SGSM2: variants seen among roughly 807,000 people sequenced by gnomAD.
SGSM2 encodes the protein RUN and TBC1 domain containing 1.
SGSM2 carries 89 observed loss-of-function variants against 126.6 expected under a neutral mutation model. The ratio of observed to expected loss-of-function variants is 0.70; its 90% CI spans 0.59 to 0.84. The LOEUF (loss-of-function observed/expected upper bound fraction) is 0.84, where lower values mean the gene tolerates loss of function less well. Ranked by LOEUF, SGSM2 falls within the 40% of genes least tolerant of loss-of-function variation. The probability of loss-of-function intolerance (pLI) is 0.00; values close to 1 mark genes in which losing one functional copy is unlikely to be tolerated. For synonymous variants in SGSM2, 614 were observed against 574.3 expected, an observed-to-expected ratio of 1.07 and a Z score of -0.99; for missense variants, 1,404 against 1,416.6, an observed-to-expected ratio of 0.99 and a Z score of 0.14.
chr17:2,358,195 G>A (rs1041833342), intron 2 of SGSM2, among the ~76,000 whole-genome samples: 9 of 152,236 alleles, frequency 5.9e-5, no homozygotes, highest in African/African-American at 2.2e-4. Context: ...TGGGCCTCCA[G>A]TCAGAACGGG....
In SGSM2 at chr17:2,363,188, G is replaced by T; in HGVS notation, c.672+54G>T. The T allele has an allele frequency of 6.5e-7, 1 of 1,529,514 alleles. No individual in the cohort carries two copies. The highest frequency in any genetic ancestry group is 8.8e-7 in the Non-Finnish European group (1 of 1,141,460). The allele number at this position is 1,529,514 out of a possible 1,614,324, so 94.7% of individuals were successfully genotyped here. A position where few individuals can be genotyped will look rare whatever the true frequency, so the allele number is the denominator to read the frequency against. On this transcript the variant is annotated intron_variant, in intron 6 of 23. Coordinates refer to ENST00000268989, the MANE Select transcript of SGSM2 (RefSeq NM_014853.3). The surrounding 1 kb of genome is among the most constrained non-coding windows in gnomAD (Gnocchi z 4.2). ...TCATCTGGGCTATGCCCATGGGCCT[G>T]TAGGGACGGGAAACCGGCCTCTCTA...
intron 11 of SGSM2, among the ~76,000 whole-genome samples, chr17:2,366,241 A>AC (rs1476337985): frequency 6.6e-6 from 1 of 151,946 alleles, no homozygotes; most frequent in Non-Finnish European, 1.5e-5. Flanking sequence ...CTGGACACAC[A>AC]CCCCTGGGCC....
At chr17:2,360,922 T>A (rs1366491540) in intron 2 of SGSM2, among the ~76,000 whole-genome samples, 1 of 152,228 alleles carries the variant, frequency 6.6e-6, no homozygotes, top group Non-Finnish European at 1.5e-5. Flanking sequence ...AACTGTTAGT[T>A]TGGCCCAATC....
chr17:2,379,052 T>C lies in SGSM2; in HGVS notation c.2916T>C (p.Asp972=), dbSNP rs992163758. The C allele has an allele frequency of 6.2e-7, 1 of 1,614,102 alleles. No homozygotes were observed. The highest frequency in any genetic ancestry group is 8.5e-7 in the Non-Finnish European group (1 of 1,179,970). The change falls in exon 23 of 24, where the codon GAT becomes GAC. Residue 972 remains aspartate, a synonymous_variant. Coordinates refer to ENST00000268989, the MANE Select transcript of SGSM2 (RefSeq NM_014853.3). ...TCTCCGCAGAACTGCTGTATGAGGA[T>C]GTGTTTGCTGTGTGGGAGGTGATCT... The part of the protein sequence containing the change: ...LDFKRELLYE[D]VFAVWEVIWA...
chr17:2,379,246 G>A, intron 23 of SGSM2, 43 bp downstream of exon 23: 1 of 1,607,556 alleles, frequency 6.2e-7, no homozygotes, highest in Admixed American at 1.7e-5. Context: ...GAGCAGAGGT[G>A]TGGAGGCCCC....
intron 1 of SGSM2, among the ~76,000 whole-genome samples, chr17:2,341,477 G>A (rs1177518969): frequency 3.9e-5 from 6 of 152,074 alleles, no homozygotes; most frequent in African/African-American, 1.4e-4. Context: ...CGGCAGGGAG[G>A]GGCCTCCAGG....
intron 11 of SGSM2, among the ~76,000 whole-genome samples, chr17:2,366,197 A>G (rs1015462590): frequency 1.3e-5 from 2 of 152,110 alleles, no homozygotes; most frequent in Non-Finnish European, 2.9e-5. Context: ...GGCGGGTAGA[A>G]AGGCGGCTTG....
chr17:2,377,302 C>T (rs923262611), intron 21 of SGSM2: 2 of 473,198 alleles, frequency 4.2e-6, no homozygotes, highest in East Asian at 3.8e-5. Flanking sequence ...TGGCCAACAT[C>T]GTGAAACCCC....
At chr17:2,338,204 G>A (rs560893531) in intron 1 of SGSM2, among the ~76,000 whole-genome samples, 1 of 152,276 alleles carries the variant, frequency 6.6e-6, no homozygotes, top group East Asian at 1.9e-4. Context: ...CTTGTCCGAC[G>A]TCCGCTGTGC....
intron 10 of SGSM2, 54 bp downstream of exon 10, chr17:2,365,111 G>A (rs1443525542): frequency 2.6e-5 from 41 of 1,598,574 alleles, no homozygotes; most frequent in East Asian, 2.2e-4. Flanking sequence ...TTCTCTGCCC[G>A]CCTCCCTTCC....
intron 12 of SGSM2, among the ~76,000 whole-genome samples, chr17:2,370,982 G>A (rs2065840338): frequency 6.6e-6 from 1 of 152,194 alleles, no homozygotes; most frequent in Non-Finnish European, 1.5e-5. Flanking sequence ...GCAGGATAGA[G>A]CTAGGCACAA....
In SGSM2 at chr17:2,373,453, C is replaced by A. The variant is rs748217992; in HGVS notation, c.2040C>A (p.Gly680=). The A allele has an allele frequency of 5.0e-6, 8 of 1,609,938 alleles. No individual in the cohort carries two copies. The South Asian group carries it at 7.7e-5, about 15-fold the overall frequency. Residue 680 remains glycine, a synonymous_variant, in exon 17 of 24, where the codon GGC becomes GGA. Coordinates refer to ENST00000268989, the MANE Select transcript of SGSM2 (RefSeq NM_014853.3). ...CCACACGCACCAAGTTCTCCTCAGG[C>A]AGCAGCATCGACAGCCACGTGCAGC... ...HPATRTKFSS[G]SSIDSHVQRL...
At chr17:2,353,097 G>A (rs1006323038) in intron 2 of SGSM2, among the ~76,000 whole-genome samples, 14 of 152,186 alleles carry the variant, frequency 9.2e-5, no homozygotes, top group African/African-American at 2.9e-4. Context: ...TATTCTAGCA[G>A]CCGAGCTATA....
chr17:2,367,897 G>C lies in SGSM2; in HGVS notation c.1423+492G>C, dbSNP rs902339674. 2.0e-5 allele frequency among the ~76,000 whole-genome samples: 3 copies of C among 152,200 alleles called. No individual in the cohort carries two copies. The highest frequency in any genetic ancestry group is 7.2e-5 in the African/African-American group (3 of 41,456). On this transcript the variant is annotated intron_variant, in intron 12 of 23. Coordinates refer to ENST00000268989, the MANE Select transcript of SGSM2 (RefSeq NM_014853.3). This position sits in a 1 kb window ranked among gnomAD's most constrained non-coding sequence, Gnocchi z 4.0. ...GGCGAGGGGTTGAGGGCTGCCATGC[G>C]AAGGGCCCCAGGGCTCAGTCTTCCC... is the stretch of plus-strand genomic sequence containing the variant.
chr17:2,349,976 A>G (rs959208939), intron 2 of SGSM2, among the ~76,000 whole-genome samples: 2 of 152,092 alleles, frequency 1.3e-5, no homozygotes, highest in Middle Eastern at 3.4e-3. Flanking sequence ...TTTAGTAGAC[A>G]TGGGGTTTCA....
rs553831527 is a variant in SGSM2 at position 2,363,524 on chromosome 17, C to A, written c.732C>A (p.Arg244=). Reference sequence around the variant, plus strand: ...AGGACAGGCTGGCTGCCTGTGCCCGCGAGTGTGTGGAGTCCCTGCACCAGA... The same window carrying A: ...AGGACAGGCTGGCTGCCTGTGCCCGAGAGTGTGTGGAGTCCCTGCACCAGA... The part of the protein sequence containing the change: ...ASEDRLAACA[R]ECVESLHQNS... Residue 244 remains arginine (R), a synonymous_variant, in exon 7 of 24, where the codon CGC becomes CGA. Transcript: ENST00000268989. The surrounding 1 kb of genome is among the most constrained non-coding windows in gnomAD (Gnocchi z 4.2). 3 of 1,613,312 alleles carry A rather than the reference C, an allele frequency of 1.9e-6. No individual in the cohort carries two copies. Among genetic ancestry groups the A allele is most frequent in the African/African-American group, 1.3e-5 (1 of 74,930 alleles).
chr17:2,343,127 A>C (rs997776908), intron 1 of SGSM2, among the ~76,000 whole-genome samples: 12 of 152,182 alleles, frequency 7.9e-5, no homozygotes, highest in Non-Finnish European at 1.6e-4. Context: ...ACCTACCCCT[A>C]ACCTTGGAGA....
intron 2 of SGSM2, among the ~76,000 whole-genome samples, chr17:2,354,328 G>C (rs1438218928): frequency 6.6e-6 from 1 of 152,158 alleles, no homozygotes; most frequent in Non-Finnish European, 1.5e-5. Context: ...GATTACAGGC[G>C]TGAGCCACCG....
chr17:2,362,847 C>G lies in SGSM2; in HGVS notation c.468C>G (p.Tyr156Ter). Reference sequence around the variant, plus strand: ...GTCTGTCTCCTGGCAGCAAGTACTACGAGAAGGAGGCACTGCTGGCAGACC... The same window carrying G: ...GTCTGTCTCCTGGCAGCAAGTACTAGGAGAAGGAGGCACTGCTGGCAGACC... ...QYLAENCSKYYEKEALLADPV... is the reference protein window; with the variant it reads ...QYLAENCSKY Residue 156 changes from tyrosine (Y) to a stop codon, truncating the protein, a stop_gained, in exon 5 of 24, where the codon TAC becomes TAG. Transcript: ENST00000268989. LOFTEE classifies it high-confidence loss of function. The surrounding 1 kb of genome is among the most constrained non-coding windows in gnomAD (Gnocchi z 4.9). The G allele has an allele frequency of 6.2e-7, 1 of 1,614,074 alleles. No homozygotes were observed. The highest frequency in any genetic ancestry group is 8.5e-7 in the Non-Finnish European group (1 of 1,180,028).
Sources: gnomAD v4.1 joint callset for allele counts (sites outside exome capture counted in the v4.1 genomes callset) on GRCh38, gnomAD v4.1.1 for gene constraint, Gnocchi (gnomAD v3.1) non-coding constraint, MANE v1.5 for transcripts, NCBI Gene and HGNC (gene_info 2026-07-23, HGNC 2026-07-21) for gene names.